The following FIRRM variants were observed in gnomAD, a reference collection of about 807,000 sequenced individuals.
FIRRM encodes the protein FIGNL1 interacting regulator of recombination and mitosis.
At chr1:169,852,531 G>C in the FIRRM span, 1 of 476,546 alleles carries the variant, frequency 2.1e-6, no homozygotes, top group Non-Finnish European at 3.7e-6. Context: ...TTCTCATTGG[G>C]AGCCCTTTGG....
At chr1:169,802,505 G>A in the FIRRM span, 1 of 623,818 alleles carries the variant, frequency 1.6e-6, no homozygotes, top group Admixed American at 3.2e-5. Context: ...ATGATAGCCT[G>A]TGGATGTTAC....
At chr1:169,792,953 T>C in the FIRRM span, 3 of 1,614,056 alleles carry the variant, frequency 1.9e-6, no homozygotes, top group African/African-American at 4.0e-5. Context: ...TCTTTTCACA[T>C]CTGGCTCATT....
chr1:169,795,918 A>T, the FIRRM span: 9 of 985,350 alleles, frequency 9.1e-6, no homozygotes, highest in Non-Finnish European at 2.4e-6. Context: ...GTCCGGGTGC[A>T]GCACATTCTT....
At chr1:169,815,250 C>T in the FIRRM span, among the ~76,000 whole-genome samples, 13 of 150,500 alleles carry the variant, frequency 8.6e-5, no homozygotes, top group African/African-American at 2.9e-4. Context: ...GAGCCGAGAT[C>T]GCGCCACTGC....
the FIRRM span, among the ~76,000 whole-genome samples, chr1:169,834,258 A>G: frequency 6.6e-6 from 1 of 152,172 alleles, no homozygotes; most frequent in Non-Finnish European, 1.5e-5. Flanking sequence ...TTGTATCTTC[A>G]GTTATCAAAT....
the FIRRM span, among the ~76,000 whole-genome samples, chr1:169,800,717 T>C: frequency 6.7e-6 from 1 of 148,914 alleles, no homozygotes. Flanking sequence ...CTTTCTCTCT[T>C]TTTTTTTTTT....
chr1:169,852,412 A>G, the FIRRM span: 2 of 269,940 alleles, frequency 7.4e-6, no homozygotes, highest in Non-Finnish European at 7.1e-6. Flanking sequence ...TTAGTATAGT[A>G]GTAATTCATG....
At chr1:169,830,703 A>T in the FIRRM span, 1 of 1,613,604 alleles carries the variant, frequency 6.2e-7, no homozygotes, top group East Asian at 2.2e-5. Context: ...CAGATATGGG[A>T]CTGCTGAACT....
the FIRRM span, among the ~76,000 whole-genome samples, chr1:169,821,312 G>A: frequency 1.3e-5 from 2 of 151,762 alleles, no homozygotes; most frequent in Non-Finnish European, 2.9e-5. Flanking sequence ...TTCTTTCTTT[G>A]ATTTGTAAGA....
the FIRRM span, among the ~76,000 whole-genome samples, chr1:169,828,831 C>T: frequency 6.6e-6 from 1 of 152,196 alleles, no homozygotes; most frequent in Non-Finnish European, 1.5e-5. Context: ...CAGGCGTGAG[C>T]CACTACACCC....
the FIRRM span, chr1:169,804,203 A>C: frequency 2.5e-6 from 4 of 1,582,736 alleles, no homozygotes; most frequent in Non-Finnish European, 2.6e-6. Flanking sequence ...TGGACCCTTT[A>C]GTAGATGACA....
At chr1:169,822,008 A>G in the FIRRM span, among the ~76,000 whole-genome samples, 1 of 152,232 alleles carries the variant, frequency 6.6e-6, no homozygotes, top group South Asian at 2.1e-4. Context: ...GAAAAAGCTG[A>G]TGGTCATTTA....
the FIRRM span, chr1:169,853,059 CAG>C: frequency 6.8e-7 from 1 of 1,476,258 alleles, no homozygotes; most frequent in East Asian, 2.3e-5. Context: ...CATTTTCTAA[CAG>C]ATATAAAACA....
the FIRRM span, among the ~76,000 whole-genome samples, chr1:169,808,930 TG>T: frequency 6.6e-5 from 10 of 152,178 alleles, no homozygotes; most frequent in Non-Finnish European, 8.8e-5. Context: ...GACCATGAAT[TG>T]AATATTTCTT....
the FIRRM span, chr1:169,853,883 A>ACTAC: frequency 3.6e-6 from 4 of 1,123,682 alleles, no homozygotes; most frequent in African/African-American, 4.7e-5. Flanking sequence ...TGCCAGAAAC[A>ACTAC]CTACCTCGTA....
chr1:169,789,374 A>T, the FIRRM span, among the ~76,000 whole-genome samples: 2 of 152,342 alleles, frequency 1.3e-5, no homozygotes, highest in Admixed American at 6.5e-5. Context: ...GCTGACACTT[A>T]TCCACCCCAC....
At chr1:169,849,643 C>T in the FIRRM span, 1 of 1,438,720 alleles carries the variant, frequency 7.0e-7, no homozygotes, top group East Asian at 2.3e-5. Context: ...ACTTTCAAAC[C>T]ATTTTAATAT....
At chr1:169,852,107 G>A in the FIRRM span, 48 of 793,632 alleles carry the variant, frequency 6.0e-5, no homozygotes, top group Non-Finnish European at 4.1e-6. Flanking sequence ...ATTAAGAAGT[G>A]GGACTACACC....
the FIRRM span, among the ~76,000 whole-genome samples, chr1:169,840,296 CTG>C: frequency 6.6e-6 from 1 of 152,148 alleles, no homozygotes; most frequent in Non-Finnish European, 1.5e-5. Flanking sequence ...AGCATTGAAT[CTG>C]TAGATTGCTT....
Sources: gnomAD v4.1 joint callset for allele counts (sites outside exome capture counted in the v4.1 genomes callset) on GRCh38, gnomAD v4.1.1 for gene constraint, MANE v1.5 for transcripts, NCBI Gene and HGNC (gene_info 2026-07-23, HGNC 2026-07-21) for gene names.